The following SATL1 variants were observed in gnomAD, a reference collection of about 807,000 sequenced individuals.
SATL1 encodes spermidine/spermine N1-acetyl transferase like 1, also known as spermidine/spermine N(1)-acetyltransferase-like protein 1.
SATL1 carries 47 observed loss-of-function variants against 51.8 expected under a neutral mutation model. The ratio of observed to expected loss-of-function variants is 0.91; its 90% CI spans 0.72 to 1.16. The LOEUF (loss-of-function observed/expected upper bound fraction) is 1.16, where lower values mean the gene tolerates loss of function less well. Among genes scored for constraint, SATL1 ranks in the 50% most tolerant of loss-of-function variants. The probability of loss-of-function intolerance (pLI) is 0.00; values close to 1 mark genes in which losing one functional copy is unlikely to be tolerated. For missense variants in SATL1, 520 were observed against 526.4 expected, an observed-to-expected ratio of 0.99 and a Z score of 0.12; for synonymous variants, 176 against 182.4, an observed-to-expected ratio of 0.97 and a Z score of 0.28.
At chrX:85,133,190 A>G (rs767151648) in intron 2 of SATL1, among the ~76,000 whole-genome samples, 14 of 112,325 alleles carry the variant, frequency 1.2e-4, no homozygotes, top group Non-Finnish European at 2.4e-4. Flanking sequence ...CGCTCTTCAG[A>G]GCTGTCAGAC....
At chrX:85,166,316 G>A (rs1205988283) in intron 2 of SATL1, among the ~76,000 whole-genome samples, 1 of 111,863 alleles carries the variant, frequency 8.9e-6, no homozygotes, top group East Asian at 2.8e-4. Context: ...TGCACAGCAA[G>A]AGAAATAATC....
chrX:85,142,087 G>C (rs1243312212), intron 2 of SATL1, among the ~76,000 whole-genome samples: 1 of 105,828 alleles, frequency 9.4e-6, no homozygotes, highest in Non-Finnish European at 1.9e-5. Flanking sequence ...ATAAAACAAG[G>C]AGATCATTTT....
At chrX:85,190,972 T>G (rs1262435231) in intron 2 of SATL1, among the ~76,000 whole-genome samples, 1 of 63,704 alleles carries the variant, frequency 1.6e-5, no homozygotes. Context: ...CCTGTCGTGG[T>G]GTAGGGGGAG....
At chrX:85,212,612 C>T (rs933368426) in intron 2 of SATL1, 1 of 111,490 alleles carries the variant, frequency 9.0e-6, no homozygotes, top group Non-Finnish European at 1.9e-5. Flanking sequence ...TTTCATAACA[C>T]GTAACACTTT....
rs1925121462 is a variant in SATL1 at position 85,108,023 on chromosome X, T to C, written c.946A>G (p.Met316Val). The change falls in exon 3 of 8, where the codon ATG (methionine) becomes GTG (valine). Residue 316 changes from methionine to valine, a missense_variant. Transcript: ENST00000644105. ...TNLPDINQPG[M>V]KQPGTWQLGR... is the part of the protein sequence containing the mutation. Reference sequence around the variant, plus strand: ...AATTGCCATGTGCCTGGTTGTTTCATGCCAGGTTGGTTTATGTCTGGTAGG... The same window carrying C: ...AATTGCCATGTGCCTGGTTGTTTCACGCCAGGTTGGTTTATGTCTGGTAGG... The C allele has an allele frequency of 8.3e-7, 1 of 1,211,368 alleles. No homozygotes were observed. Among genetic ancestry groups the C allele is most frequent in the Non-Finnish European group, 1.1e-6 (1 of 895,461 alleles).
chrX:85,106,495 A>G (rs1647210558), intron 3 of SATL1, among the ~76,000 whole-genome samples: 1 of 112,271 alleles, frequency 8.9e-6, no homozygotes, highest in South Asian at 3.7e-4. Flanking sequence ...TTTTCATTAC[A>G]AAACACTTAT....
At chrX:85,154,095 A>G (rs188302782) in intron 2 of SATL1, among the ~76,000 whole-genome samples, 187 of 111,821 alleles carry the variant, frequency 1.7e-3, no homozygotes, top group African/African-American at 5.5e-3. Context: ...CACACCAGAC[A>G]TATTTTGTTC....
intron 7 of SATL1, 71 bp downstream of exon 7, chrX:85,093,114 A>G: frequency 1.0e-6 from 1 of 1,001,175 alleles, no homozygotes; most frequent in South Asian, 2.2e-5. Flanking sequence ...TAATGATTTA[A>G]TTTATGCCCT....
At chrX:85,204,306 G>A (rs1927745891) in intron 2 of SATL1, among the ~76,000 whole-genome samples, 1 of 111,806 alleles carries the variant, frequency 8.9e-6, no homozygotes, top group Non-Finnish European at 1.9e-5. Context: ...GTCAGTACCT[G>A]GATGTTTCAG....
intron 2 of SATL1, among the ~76,000 whole-genome samples, chrX:85,156,737 C>G (rs73511636): frequency 0.045 from 4,435 of 99,320 alleles, 335 homozygotes; most frequent in African/African-American, 0.16. Context: ...TAAAACATAT[C>G]AAAGAGGCAA....
At chrX:85,225,651 G>T (rs1928263825) in intron 1 of SATL1, among the ~76,000 whole-genome samples, 1 of 111,951 alleles carries the variant, frequency 8.9e-6, no homozygotes, top group African/African-American at 3.2e-5. Flanking sequence ...GGATCAGCAG[G>T]CAAAGAGATA....
At chrX:85,101,378 C>T (rs999323253) in intron 4 of SATL1, among the ~76,000 whole-genome samples, 4 of 111,870 alleles carry the variant, frequency 3.6e-5, no homozygotes, top group African/African-American at 9.8e-5. Flanking sequence ...GTGTAAATAT[C>T]ATAAATAGAC....
rs1426000990 is a variant in SATL1 at position 85,143,739 on chromosome X, C to T, written c.-312-34459G>A. Among the ~76,000 whole-genome samples the T allele has an allele frequency of 4.5e-4, 50 of 110,867 alleles. No individual in the cohort carries two copies. The Admixed American group carries it at 4.8e-3, about 11-fold the overall frequency. On this transcript the variant is annotated intron_variant, in intron 2 of 7. Coordinates refer to ENST00000644105, the MANE Select transcript of SATL1 (RefSeq NM_001367857.2). ...TTCCTCTTAAAGATAACATGTTTGT[C>T]TCTGATCTCTGAGATAAATATGAAA... is the stretch of plus-strand genomic sequence containing the variant.
chrX:85,203,603 G>C (rs1479618556), intron 2 of SATL1, among the ~76,000 whole-genome samples: 1 of 111,168 alleles, frequency 9.0e-6, no homozygotes, highest in Non-Finnish European at 1.9e-5. Flanking sequence ...TCTGCCCAGC[G>C]AGGAGGATCA....
chrX:85,173,009 T>C (rs1927004275), intron 2 of SATL1, among the ~76,000 whole-genome samples: 1 of 111,639 alleles, frequency 9.0e-6, no homozygotes, highest in African/African-American at 3.2e-5. Context: ...TGCCCTCAAA[T>C]TTTCTAGAAT....
At chrX:85,111,715 G>A (rs776482916) in intron 2 of SATL1, among the ~76,000 whole-genome samples, 41 of 112,073 alleles carry the variant, frequency 3.7e-4, no homozygotes, top group Non-Finnish European at 1.1e-4. Context: ...AGTGAGGTTT[G>A]TAGGCCAAGA....
intron 2 of SATL1, among the ~76,000 whole-genome samples, chrX:85,162,988 C>T (rs1260154842): frequency 3.8e-5 from 4 of 106,552 alleles, no homozygotes; most frequent in Non-Finnish European, 7.7e-5. Flanking sequence ...TCAGAGGTAT[C>T]GGTCTGTAGT....
rs141288725 is a variant in SATL1, at chrX:85,225,681, G to C, written c.-434-1355C>G. ...GAGATATAAGAGAACATGGTGTACT[G>C]AGGGAACTTCAAGTAATTCAAGTAT... On this transcript the variant is annotated intron_variant, in intron 1 of 7. Transcript: ENST00000644105. Among the ~76,000 whole-genome samples the C allele has an allele frequency of 1.3e-4, 14 of 111,973 alleles. No homozygotes were observed. The East Asian group carries it at 4.0e-3, about 32-fold the overall frequency.
chrX:85,176,662 A>G (rs961318655), intron 2 of SATL1, among the ~76,000 whole-genome samples: 1 of 111,495 alleles, frequency 9.0e-6, no homozygotes, highest in Non-Finnish European at 1.9e-5. Context: ...GAATATATGT[A>G]CATATTTGTT....
Sources: gnomAD v4.1 joint callset for allele counts (sites outside exome capture counted in the v4.1 genomes callset) on GRCh38, gnomAD v4.1.1 for gene constraint, MANE v1.5 for transcripts, NCBI Gene and HGNC (gene_info 2026-07-23, HGNC 2026-07-21) for gene names.